GALNT14: variants seen among roughly 807,000 people sequenced by gnomAD.
GALNT14 encodes the protein polypeptide N-acetylgalactosaminyltransferase 14, also known as UDP-GalNAc:polypeptide N-acetylgalactosaminyltransferase 14.
In GALNT14, 60 loss-of-function variants were observed where a neutral mutation model predicts 77.5. That is an observed-to-expected ratio of 0.77 (90% confidence interval 0.63 to 0.96). The LOEUF (loss-of-function observed/expected upper bound fraction) is 0.96. Among genes scored for constraint, GALNT14 ranks in the 40% least tolerant of loss-of-function variants. The pLI, the probability that GALNT14 is intolerant of heterozygous loss-of-function variation, is 0.00. For synonymous variants in GALNT14, 280 were observed against 281.7 expected (o/e 0.99, Z 0.06); for missense variants, 710 against 731.0 (o/e 0.97, Z 0.33).
intron 2 of GALNT14, among the ~76,000 whole-genome samples, chr2:30,979,351 G>A (rs1668841835): frequency 6.6e-6 from 1 of 152,184 alleles, no homozygotes; most frequent in African/African-American, 2.4e-5. Context: ...AAGGGTGGTG[G>A]CACCCGGCCT....
At chr2:31,020,606 T>C (rs989926068) in intron 1 of GALNT14, among the ~76,000 whole-genome samples, 20 of 152,322 alleles carry the variant, frequency 1.3e-4, no homozygotes, top group African/African-American at 4.8e-4. Flanking sequence ...TCCTCAACTT[T>C]CATGCTTGGC....
chr2:31,005,376 T>G (rs977173691), intron 1 of GALNT14, among the ~76,000 whole-genome samples: 2 of 152,114 alleles, frequency 1.3e-5, no homozygotes, highest in African/African-American at 4.8e-5. Context: ...GCTAAACATA[T>G]CCTTTCTGGT....
chr2:31,117,859 A>G (rs961843023), intron 1 of GALNT14, among the ~76,000 whole-genome samples: 13 of 152,216 alleles, frequency 8.5e-5, no homozygotes, highest in African/African-American at 3.1e-4. Flanking sequence ...AGTTATTTAG[A>G]GACCAAAACA....
At chr2:30,983,385 T>A (rs981294332) in intron 2 of GALNT14, among the ~76,000 whole-genome samples, 1 of 152,212 alleles carries the variant, frequency 6.6e-6, no homozygotes, top group Admixed American at 6.5e-5. Flanking sequence ...TTGAATGAAT[T>A]ATTCCTGGCA....
At chr2:31,097,872 T>C (rs1188350513) in intron 1 of GALNT14, among the ~76,000 whole-genome samples, 1 of 152,152 alleles carries the variant, frequency 6.6e-6, no homozygotes, top group Middle Eastern at 3.2e-3. Flanking sequence ...CCTCAGCTTC[T>C]AGTTCAAGCT....
intron 1 of GALNT14, among the ~76,000 whole-genome samples, chr2:31,108,370 C>T (rs1677666817): frequency 6.6e-6 from 1 of 152,202 alleles, no homozygotes; most frequent in African/African-American, 2.4e-5. Flanking sequence ...GAAGTGTGAA[C>T]AGTAAGTTTT....
At chr2:31,097,303 A>G (rs1677049856) in intron 1 of GALNT14, among the ~76,000 whole-genome samples, 1 of 152,124 alleles carries the variant, frequency 6.6e-6, no homozygotes, top group Non-Finnish European at 1.5e-5. Context: ...TTTGGTTCCT[A>G]GCATCCATTG....
At chr2:30,893,821 C>T in the GALNT14 span, among the ~76,000 whole-genome samples, 1 of 151,924 alleles carries the variant, frequency 6.6e-6, no homozygotes, top group Non-Finnish European at 1.5e-5. Flanking sequence ...ACCAAGCTAG[C>T]TGGCATGGCC....
chr2:30,929,390 C>T lies in GALNT14; in HGVS notation c.1151+5G>A. 6.2e-7 allele frequency: 1 copy of T among 1,612,642 alleles called. No homozygotes were observed. The highest frequency in any genetic ancestry group is 1.1e-5 in the South Asian group (1 of 91,016). On this transcript the variant is annotated splice_donor_5th_base_variant and intron_variant, in intron 11 of 14. Coordinates refer to ENST00000349752, the MANE Select transcript of GALNT14 (RefSeq NM_024572.4). ...CTGCCCTCCTCAACCTGAAGGGACACTTACTTCCCGAAGGGCCTCTCCAGG... is the reference window on the plus strand; with the variant it reads ...CTGCCCTCCTCAACCTGAAGGGACATTTACTTCCCGAAGGGCCTCTCCAGG...
intron 1 of GALNT14, among the ~76,000 whole-genome samples, chr2:31,122,618 G>C (rs1388306621): frequency 6.6e-6 from 1 of 152,118 alleles, no homozygotes; most frequent in Non-Finnish European, 1.5e-5. Flanking sequence ...TGAATTATAA[G>C]AGACACTAAC....
chr2:31,130,113 A>G (rs890092221), intron 1 of GALNT14, among the ~76,000 whole-genome samples: 2 of 152,240 alleles, frequency 1.3e-5, no homozygotes, highest in African/African-American at 4.8e-5. Context: ...TGACATAAGG[A>G]GAATTTAATT....
chr2:31,002,501 A>G (rs574594723), intron 1 of GALNT14, among the ~76,000 whole-genome samples: 4 of 151,970 alleles, frequency 2.6e-5, no homozygotes, highest in Non-Finnish European at 5.9e-5. Context: ...TGTTCCTTCC[A>G]TATCACCAGA....
At chr2:30,907,593 A>G (rs1475387768), downstream of GALNT14, among the ~76,000 whole-genome samples, 1 of 152,196 alleles carries the variant, frequency 6.6e-6, no homozygotes, top group Non-Finnish European at 1.5e-5. Flanking sequence ...AAAAGAGTCC[A>G]GGACCAGATG....
chr2:31,068,474 A>G (rs957123790), intron 1 of GALNT14, among the ~76,000 whole-genome samples: 9 of 145,160 alleles, frequency 6.2e-5, no homozygotes, highest in African/African-American at 2.3e-4. Flanking sequence ...ACGCCACTCT[A>G]CTCCAGCTGG....
the GALNT14 span, among the ~76,000 whole-genome samples, chr2:30,902,486 T>G: frequency 6.6e-6 from 1 of 152,070 alleles, no homozygotes; most frequent in Non-Finnish European, 1.5e-5. Context: ...CCCAAGGGCT[T>G]TGGCTATAAG....
chr2:31,007,147 G>A (rs918758177), intron 1 of GALNT14, among the ~76,000 whole-genome samples: 1 of 152,174 alleles, frequency 6.6e-6, no homozygotes, highest in East Asian at 1.9e-4. Flanking sequence ...CGAGTATCCA[G>A]ACGCTGTGCC....
intron 1 of GALNT14, among the ~76,000 whole-genome samples, chr2:31,059,922 C>G (rs149489684): frequency 7.6e-4 from 116 of 152,260 alleles, no homozygotes; most frequent in African/African-American, 2.7e-3. Context: ...TTATAGCAGT[C>G]CAAGCAGACT....
At chr2:30,932,289 GC>G in intron 9 of GALNT14, 95 bp from the exon 10 acceptor site, 1 of 1,219,506 alleles carries the variant, frequency 8.2e-7, no homozygotes, top group East Asian at 2.8e-5. Flanking sequence ...CCCCGCAGAG[GC>G]GAAAGAACAG....
chr2:31,073,536 T>C (rs1413824634), intron 1 of GALNT14, among the ~76,000 whole-genome samples: 1 of 151,880 alleles, frequency 6.6e-6, no homozygotes, highest in African/African-American at 2.4e-5. Context: ...CTCCTCTAAA[T>C]AGGGTAATCA....
Sources: allele counts gnomAD v4.1 joint callset (sites outside exome capture counted in the v4.1 genomes callset), GRCh38; gene constraint gnomAD v4.1.1; transcripts MANE v1.5; gene names NCBI Gene and HGNC (gene_info 2026-07-23, HGNC 2026-07-21).